CALB1: variants seen among roughly 807,000 people sequenced by gnomAD.
The protein encoded by CALB1 is calbindin.
In CALB1, 16 loss-of-function variants were observed where a neutral mutation model predicts 46.7. The ratio of observed to expected loss-of-function variants is 0.34; its 90% CI spans 0.23 to 0.52. CALB1 has a LOEUF of 0.52. Among genes scored for constraint, CALB1 ranks in the 20% least tolerant of loss-of-function variants. The pLI, the probability that CALB1 is intolerant of heterozygous loss-of-function variation, is 0.95. For synonymous variants in CALB1, 90 were observed against 112.8 expected (o/e 0.80, Z 1.28); for missense variants, 224 against 300.3 (o/e 0.75, Z 1.88).
At chr8:90,065,742 C>T (rs1028536748) in intron 6 of CALB1, among the ~76,000 whole-genome samples, 156 bp downstream of exon 6, 1 of 151,734 alleles carries the variant, frequency 6.6e-6, no homozygotes, top group African/African-American at 2.4e-5. Flanking sequence ...TGTAAGCATC[C>T]CTAAGTATTT....
chr8:90,069,181 C>A lies in CALB1; in HGVS notation c.288G>T (p.Gln96His). ...TCATGAATTCCTCACAGGACTTCAGCTGCTGGCATCGGAAGAGCAGCAGGA... is the reference window on the plus strand; with the variant it reads ...TCATGAATTCCTCACAGGACTTCAGATGCTGGCATCGGAAGAGCAGCAGGA... ...ENFLLLFRCQ[Q>H]LKSCEEFMKT... is the part of the protein sequence containing the mutation. The change falls in exon 4 of 11, where the codon CAG (glutamine) becomes CAT (histidine). Residue 96 changes from glutamine to histidine, a missense_variant. Physicochemically the swap from Gln to His is conservative, Grantham distance 24 (BLOSUM62 0). Coordinates refer to ENST00000265431, the MANE Select transcript of CALB1 (RefSeq NM_004929.4). The A allele has an allele frequency of 6.2e-7, 1 of 1,614,068 alleles. No homozygotes were observed.
chr8:90,082,568 G>A (rs749676562), intron 1 of CALB1, 51 bp downstream of exon 1: 26 of 1,428,944 alleles, frequency 1.8e-5, no homozygotes, highest in Non-Finnish European at 2.6e-5. Flanking sequence ...CAAAGAATGG[G>A]AAGGGGCATG....
chr8:90,067,321 G>GA (rs1391449136), intron 5 of CALB1, among the ~76,000 whole-genome samples: 9 of 152,060 alleles, frequency 5.9e-5, no homozygotes, highest in African/African-American at 2.2e-4. Flanking sequence ...CAGGGAAGAG[G>GA]ACTTCTATTT....
Position 90,063,363 on chromosome 8 carries a change from A to G in CALB1, c.506+43T>C, listed in dbSNP as rs774712246. On this transcript the variant is annotated intron_variant, in intron 7 of 10. Transcript: ENST00000265431. The stretch of plus-strand genomic sequence containing the variant: ...TTATATTAATATATTACATTTTTTG[A>G]AAAGGATCCACTTACAATATTTTTC... 18 of 1,583,790 alleles carry G rather than the reference A, an allele frequency of 1.1e-5. No individual in the cohort carries two copies. In the African/African-American group the frequency reaches 1.8e-4, roughly 15 times the overall value.
rs565444317 is a variant in CALB1, at chr8:90,060,252, T to C, written c.707A>G (p.Lys236Arg). 5.0e-6 allele frequency: 8 copies of C among 1,610,650 alleles called. No individual in the cohort carries two copies. The South Asian group carries it at 8.8e-5, about 18-fold the overall frequency. ...LDINNITTYK[K>R]NIMALSDGGK... ...TCCATCCGACAAAGCCATTATGTTC[T>C]TCTTGTATGTTGTAATATTATTAAT... Residue 236 changes from lysine to arginine, a missense_variant, in exon 11 of 11, where the codon AAG becomes AGG. Transcript: ENST00000265431.
At position 90,082,644 on chromosome 8, in the gene CALB1, C is replaced by T. The variant is rs780725314; in HGVS notation, c.54G>A (p.Glu18=). The T allele has an allele frequency of 5.0e-6, 8 of 1,613,974 alleles. No individual in the cohort carries two copies. Among genetic ancestry groups the T allele is most frequent in the Admixed American group, 1.7e-5 (1 of 60,008 alleles). ...CGTCAGCGTCGAAATGGAGCCAGAT[C>T]TCGAAAAACTGTGAGGCTGTGATGA... ...SSLITASQFF[E]IWLHFDADGS... Residue 18 remains glutamate (E), a synonymous_variant, in exon 1 of 11, where the codon GAG becomes GAA. Transcript: ENST00000265431.
In CALB1 at chr8:90,060,476, AT is replaced by A. The variant is rs1814275751; in HGVS notation, c.672+152del. Among the ~76,000 whole-genome samples the A allele has an allele frequency of 2.6e-5, 4 of 152,354 alleles. No individual in the cohort carries two copies. In the South Asian group the frequency reaches 8.3e-4, roughly 32 times the overall value. On this transcript the variant is annotated intron_variant, in intron 10 of 10. Transcript: ENST00000265431. The stretch of plus-strand genomic sequence containing the variant: ...AAATCTATTTATCACAGTTACCCTG[AT>A]TTAGGCCAGAACCAAATTGAGTTAA...
Position 90,063,304 on chromosome 8 carries a change from C to A in CALB1, c.523G>T (p.Glu175Ter). 6.3e-7 allele frequency: 1 copy of A among 1,593,266 alleles called. No homozygotes were observed. Among genetic ancestry groups the A allele is most frequent in the Non-Finnish European group, 8.6e-7 (1 of 1,162,864 alleles). Residue 175 changes from glutamate to a stop codon, truncating the protein, a stop_gained, in exon 8 of 11, where the codon GAG (glutamate) becomes TAG (stop). Coordinates refer to ENST00000265431, the MANE Select transcript of CALB1 (RefSeq NM_004929.4). LOFTEE classifies it high-confidence loss of function. ...ACCTGGAATTTAAGAAGAAAATTCT[C>A]CTGCACTGGTAGTAACCTTTTGAGA... is the stretch of plus-strand genomic sequence containing the variant. Reference protein sequence around the residue: ...TEMARLLPVQENFLLKFQGIK... With the variant: ...TEMARLLPVQ
chr8:90,061,933 T>C (rs528291844), intron 9 of CALB1: 7 of 152,148 alleles, frequency 4.6e-5, no homozygotes, highest in African/African-American at 1.7e-4. Context: ...CCTGGAGACA[T>C]CACACTTCTT....
intron 5 of CALB1, among the ~76,000 whole-genome samples, chr8:90,068,526 C>T (rs925606098): frequency 1.3e-5 from 2 of 152,134 alleles, no homozygotes; most frequent in African/African-American, 4.8e-5. Flanking sequence ...TATCATTTAA[C>T]TTCTCTCAAC....
At chr8:90,078,233 C>T in intron 3 of CALB1, 140 bp downstream of exon 3, 1 of 540,820 alleles carries the variant, frequency 1.8e-6, no homozygotes, top group South Asian at 2.4e-5. Flanking sequence ...CTTTATACTT[C>T]TGAACAGAAG....
rs367847323 is a variant in CALB1, at chr8:90,060,233, C to T, written c.726G>A (p.Ser242=). Residue 242 remains serine (S), a synonymous_variant, in exon 11 of 11, where the codon TCG becomes TCA. Coordinates refer to ENST00000265431, the MANE Select transcript of CALB1 (RefSeq NM_004929.4). ...TTYKKNIMAL[S]DGGKLYRTDL... ...CCGTTCGGTACAGCTTCCCTCCATC[C>T]GACAAAGCCATTATGTTCTTCTTGT... The T allele has an allele frequency of 7.4e-6, 12 of 1,613,384 alleles. No homozygotes were observed. The highest frequency in any genetic ancestry group is 5.3e-5 in the African/African-American group (4 of 74,880).
intron 5 of CALB1, among the ~76,000 whole-genome samples, chr8:90,068,381 T>G (rs1814437496): frequency 6.6e-6 from 1 of 152,226 alleles, no homozygotes. Context: ...AAAAGTTTAA[T>G]TTTAGAAGAT....
At position 90,082,537 on chromosome 8, in the gene CALB1, A is replaced by T. The variant is rs1814751029; in HGVS notation, c.79+82T>A. ...AAGAATAGAAAGGAGGGATAATGGG[A>T]TCAGGAGGCTCAGAAAAGGGCAAAG... On this transcript the variant is annotated intron_variant, in intron 1 of 10. Transcript: ENST00000265431. 5 of 1,087,524 alleles carry T rather than the reference A, an allele frequency of 4.6e-6. No individual in the cohort carries two copies. The South Asian group carries it at 6.2e-5, about 14-fold the overall frequency. The allele number at this position is 1,087,524 out of a possible 1,614,324, so 67.4% of individuals were successfully genotyped here.
chr8:90,077,796 C>T (rs1814647133), intron 3 of CALB1, among the ~76,000 whole-genome samples: 1 of 152,080 alleles, frequency 6.6e-6, no homozygotes, highest in Non-Finnish European at 1.5e-5. Flanking sequence ...CACATGAAAT[C>T]TGTACCTATA....
chr8:90,069,473 C>T (rs1814461446), intron 3 of CALB1, among the ~76,000 whole-genome samples: 1 of 152,184 alleles, frequency 6.6e-6, no homozygotes, highest in Non-Finnish European at 1.5e-5. Context: ...GTGGCCGCAG[C>T]AGACCTGTGC....
intron 3 of CALB1, among the ~76,000 whole-genome samples, chr8:90,070,789 A>T (rs112664117): frequency 1.7e-4 from 26 of 152,108 alleles, no homozygotes; most frequent in African/African-American, 6.0e-4. Context: ...CAGTGCTTTT[A>T]AAAAAATGTA....
intron 9 of CALB1, chr8:90,062,517 A>G (rs961070973): frequency 2.6e-5 from 4 of 152,054 alleles, no homozygotes; most frequent in African/African-American, 9.7e-5. Context: ...AATTTAAAAA[A>G]TGGGTTAATG....
intron 9 of CALB1, chr8:90,061,798 G>C (rs1814303359): frequency 6.6e-6 from 1 of 151,938 alleles, no homozygotes; most frequent in Admixed American, 6.6e-5. Flanking sequence ...CACATCTACA[G>C]ATTCAGTGTA....
Sources: allele counts gnomAD v4.1 joint callset (sites outside exome capture counted in the v4.1 genomes callset), GRCh38; gene constraint gnomAD v4.1.1; transcripts MANE v1.5; gene names NCBI Gene and HGNC (gene_info 2026-07-23, HGNC 2026-07-21).